CHST9: variants seen among roughly 807,000 people sequenced by gnomAD.
CHST9 encodes the protein GalNAc-4-sulfotransferase 2.
In CHST9, 41 loss-of-function variants were observed where a neutral mutation model predicts 44.4. The ratio of observed to expected loss-of-function variants is 0.92; its 90% CI spans 0.72 to 1.20. CHST9 has a LOEUF of 1.20. Among genes scored for constraint, CHST9 ranks in the 50% most tolerant of loss-of-function variants. The probability of loss-of-function intolerance (pLI) is 0.00; values close to 1 mark genes in which losing one functional copy is unlikely to be tolerated. For synonymous variants in CHST9, 171 were observed against 178.4 expected (o/e 0.96, Z 0.33); for missense variants, 504 against 516.5 (o/e 0.98, Z 0.23).
chr18:27,157,165 G>T (rs975733803), intron 1 of CHST9, among the ~76,000 whole-genome samples: 6 of 152,016 alleles, frequency 3.9e-5, no homozygotes, highest in African/African-American at 1.4e-4. Flanking sequence ...TTCTGTTAAT[G>T]ATTAGCAGTC....
intron 1 of CHST9, among the ~76,000 whole-genome samples, chr18:27,162,524 C>T (rs2058755753): frequency 1.3e-5 from 2 of 152,132 alleles, no homozygotes; most frequent in African/African-American, 4.8e-5. Context: ...CAACCTTTCT[C>T]TCTGGCTGCT....
chr18:26,968,255 G>A (rs550758839), intron 4 of CHST9, among the ~76,000 whole-genome samples: 90 of 152,058 alleles, frequency 5.9e-4, no homozygotes, highest in African/African-American at 2.1e-3. Context: ...ATTGCTACAT[G>A]ACCAAAAAAG....
At chr18:26,934,427 G>A (rs1437814895) in intron 5 of CHST9, 2 of 151,932 alleles carry the variant, frequency 1.3e-5, no homozygotes, top group African/African-American at 2.4e-5. Context: ...GTAGAGATGG[G>A]GTTTCACCAT....
At chr18:27,073,379 A>C (rs1052740508) in intron 2 of CHST9, among the ~76,000 whole-genome samples, 1 of 114,312 alleles carries the variant, frequency 8.7e-6, no homozygotes, top group East Asian at 2.9e-4. Flanking sequence ...AAGCTGGTGC[A>C]CTGGTAGCGC....
At chr18:27,010,960 GGAGTGA>G (rs1235028658) in intron 4 of CHST9, among the ~76,000 whole-genome samples, 1 of 152,176 alleles carries the variant, frequency 6.6e-6, no homozygotes. Context: ...CAGTGGCTGA[GGAGTGA>G]CAGGTCTGCT....
chr18:27,172,967 T>C (rs2143962327), intron 1 of CHST9, among the ~76,000 whole-genome samples: 1 of 152,160 alleles, frequency 6.6e-6, no homozygotes, highest in East Asian at 1.9e-4. Context: ...GAGCCCTAAA[T>C]ATCATCTTAG....
chr18:27,168,352 G>A (rs192063533), intron 1 of CHST9, among the ~76,000 whole-genome samples: 2 of 152,252 alleles, frequency 1.3e-5, no homozygotes, highest in East Asian at 3.9e-4. Flanking sequence ...GGGATTACAA[G>A]CGTGAGCCAC....
chr18:26,973,498 C>T (rs1254043337), intron 4 of CHST9, among the ~76,000 whole-genome samples: 2 of 152,226 alleles, frequency 1.3e-5, no homozygotes, highest in Non-Finnish European at 2.9e-5. Flanking sequence ...ATCCAACCTG[C>T]GGCCTGCAGG....
chr18:26,966,913 T>G (rs186238035), intron 4 of CHST9, among the ~76,000 whole-genome samples: 1 of 151,742 alleles, frequency 6.6e-6, no homozygotes, highest in East Asian at 1.9e-4. Flanking sequence ...CTTGCAGAGT[T>G]TCAGAAGATT....
intron 4 of CHST9, among the ~76,000 whole-genome samples, chr18:27,010,499 G>C (rs1337132798): frequency 6.6e-6 from 1 of 152,134 alleles, no homozygotes; most frequent in Admixed American, 6.5e-5. Context: ...AGTGCAATGG[G>C]AGGAGTGTGA....
intron 4 of CHST9, among the ~76,000 whole-genome samples, chr18:26,949,517 T>TAAAC (rs966902041): frequency 1.3e-5 from 2 of 150,020 alleles, no homozygotes; most frequent in African/African-American, 2.4e-5. Context: ...TGTCTGAAAA[T>TAAAC]AAACAAACAA....
At chr18:26,983,915 T>C (rs2056723475) in intron 4 of CHST9, among the ~76,000 whole-genome samples, 1 of 152,150 alleles carries the variant, frequency 6.6e-6, no homozygotes, top group Non-Finnish European at 1.5e-5. Context: ...TGTTACTGAG[T>C]CTTGATATAC....
intron 2 of CHST9, among the ~76,000 whole-genome samples, chr18:27,134,076 G>C (rs1189978509): frequency 6.6e-6 from 1 of 152,112 alleles, no homozygotes; most frequent in Non-Finnish European, 1.5e-5. Flanking sequence ...TTCTAGTTCA[G>C]GTATACAGAG....
chr18:27,122,415 C>T (rs28690572), intron 2 of CHST9, among the ~76,000 whole-genome samples: 1,613 of 152,148 alleles, frequency 0.011, 24 homozygotes, highest in African/African-American at 0.034. Flanking sequence ...GAATACAAAT[C>T]GGAATAGGGT....
chr18:27,055,024 C>A (rs551343820), intron 2 of CHST9, among the ~76,000 whole-genome samples: 1 of 152,016 alleles, frequency 6.6e-6, no homozygotes, highest in African/African-American at 2.4e-5. Context: ...CTTGCCTCAC[C>A]GCACTACCAA....
At chr18:26,965,941 T>G (rs1026302937) in intron 4 of CHST9, among the ~76,000 whole-genome samples, 2 of 152,178 alleles carry the variant, frequency 1.3e-5, no homozygotes, top group Non-Finnish European at 2.9e-5. Context: ...CTGACTACCA[T>G]CCAGTGAGAC....
intron 4 of CHST9, among the ~76,000 whole-genome samples, chr18:26,980,790 A>G (rs1168474910): frequency 6.6e-6 from 1 of 152,226 alleles, no homozygotes; most frequent in Non-Finnish European, 1.5e-5. Context: ...TGAATATTTT[A>G]CCAAGGGCAG....
intron 4 of CHST9, among the ~76,000 whole-genome samples, chr18:26,976,109 A>G (rs970648290): frequency 2.6e-5 from 4 of 151,684 alleles, no homozygotes; most frequent in East Asian, 3.9e-4. Flanking sequence ...GGAGGACTAA[A>G]TAAGTGGGAT....
intron 2 of CHST9, among the ~76,000 whole-genome samples, chr18:27,117,867 G>A (rs928476553): frequency 6.6e-6 from 1 of 152,138 alleles, no homozygotes; most frequent in African/African-American, 2.4e-5. Context: ...TTGTGTGTAT[G>A]TTTTGCATAG....
Sources: gnomAD v4.1 joint callset for allele counts (sites outside exome capture counted in the v4.1 genomes callset) on GRCh38, gnomAD v4.1.1 for gene constraint, MANE v1.5 for transcripts, NCBI Gene and HGNC (gene_info 2026-07-23, HGNC 2026-07-21) for gene names.